The following RADIL variants were observed in gnomAD, a reference collection of about 807,000 sequenced individuals.
The protein encoded by RADIL is Rap associating with DIL domain.
In RADIL, 99 loss-of-function variants were observed where a neutral mutation model predicts 97.6. That is an observed-to-expected ratio of 1.01 (90% CI 0.86 to 1.20). The LOEUF (loss-of-function observed/expected upper bound fraction) is 1.20. RADIL is among the 50% of genes most tolerant of loss of function. The pLI, the probability that RADIL is intolerant of heterozygous loss-of-function variation, is 0.00. For synonymous variants in RADIL, 803 were observed against 691.8 expected (o/e 1.16, Z -2.52); for missense variants, 1,765 against 1,498.9 (o/e 1.18, Z -2.93).
chr7:4,804,293 T>A (rs939776500), intron 10 of RADIL, among the ~76,000 whole-genome samples: 1 of 152,106 alleles, frequency 6.6e-6, no homozygotes, highest in African/African-American at 2.4e-5. Flanking sequence ...CAGAAATGAA[T>A]CAATGCGGAG....
intron 5 of RADIL, among the ~76,000 whole-genome samples, chr7:4,829,837 G>C (rs1399924113): frequency 6.7e-6 from 1 of 150,298 alleles, no homozygotes; most frequent in South Asian, 2.2e-4. Flanking sequence ...GGCCTCCCCA[G>C]TCACGTGGAA....
chr7:4,801,895 C>T lies in RADIL; in HGVS notation c.2600G>A (p.Arg867His), dbSNP rs199920495. Residue 867 changes from arginine to histidine, a missense_variant, in exon 12 of 15, where the codon CGT becomes CAT. Coordinates refer to ENST00000399583, the MANE Select transcript of RADIL (RefSeq NM_018059.5). ...GPAAREVAPE[R>H]TLPLRGAPWA... ...GGGAGCCCCCCTCAAGGGAAGAGTACGCTCCGGGGCCACTTCCCGGGCTGC... is the reference window on the plus strand; with the variant it reads ...GGGAGCCCCCCTCAAGGGAAGAGTATGCTCCGGGGCCACTTCCCGGGCTGC... The T allele has an allele frequency of 1.3e-4, 200 of 1,576,446 alleles. No homozygotes were observed. Among genetic ancestry groups the T allele is most frequent in the Admixed American group, 4.1e-4 (22 of 53,744 alleles).
In RADIL at chr7:4,873,516, G is replaced by A. The variant is rs989558977; in HGVS notation, c.535+4089C>T. On this transcript the variant is annotated intron_variant, in intron 2 of 14. Transcript: ENST00000399583. This position sits in a 1 kb window ranked among gnomAD's most constrained non-coding sequence, Gnocchi z 4.3. ...CCCCACGCTGGGTCCTCTTGGGAGA[G>A]AATGCAGGAGCTGAAGGGGCCCTGG... Among the ~76,000 whole-genome samples, 2 of 152,214 alleles carry A rather than the reference G, an allele frequency of 1.3e-5. No individual in the cohort carries two copies. The highest frequency in any genetic ancestry group is 4.8e-5 in the African/African-American group (2 of 41,454).
Position 4,817,403 on chromosome 7 carries a change from C to CGCA in RADIL, c.1616-55_1616-53dup. 1 of 1,508,736 alleles carries CGCA rather than the reference C, an allele frequency of 6.6e-7. No homozygotes were observed. The highest frequency in any genetic ancestry group is 9.0e-7 in the Non-Finnish European group (1 of 1,105,536). 93.5% of individuals were successfully genotyped at this position (1,508,736 alleles called of 1,614,324 possible). On this transcript the variant is annotated intron_variant, in intron 6 of 14. Transcript: ENST00000399583. This position sits in a 1 kb window ranked among gnomAD's most constrained non-coding sequence, Gnocchi z 8.3. ...TCACAACGGGCACAGCGCTCAGGAACGCAGCAACTCAGCCAGCCGCCAGCT... is the reference window on the plus strand; with the variant it reads ...TCACAACGGGCACAGCGCTCAGGAACGCAGCAGCAACTCAGCCAGCCGCCAGCT...
chr7:4,882,337 G>T (rs1271683944), intron 1 of RADIL: 1 of 152,282 alleles, frequency 6.6e-6, no homozygotes, highest in Non-Finnish European at 1.5e-5. Context: ...CTGTTTTTCT[G>T]GAAGTGCGAC....
At chr7:4,863,079 A>G (rs1034777230) in intron 2 of RADIL, among the ~76,000 whole-genome samples, 1 of 151,678 alleles carries the variant, frequency 6.6e-6, no homozygotes, top group African/African-American at 2.4e-5. Flanking sequence ...CACGTTGTCA[A>G]CCTTCTCACT....
Position 4,868,084 on chromosome 7 carries a change from A to G in RADIL, c.535+9521T>C, listed in dbSNP as rs574514655. Among the ~76,000 whole-genome samples, 14 of 151,542 alleles carry G rather than the reference A, an allele frequency of 9.2e-5. No homozygotes were observed. In the East Asian group the frequency reaches 2.7e-3, roughly 29 times the overall value. On this transcript the variant is annotated intron_variant, in intron 2 of 14. Transcript: ENST00000399583. ...ATGAACTGTGTTTTTTTTTTCTGAG[A>G]TGGAGTCTCACTGTGTCGCCCAGGC...
intron 2 of RADIL, among the ~76,000 whole-genome samples, chr7:4,847,548 T>C (rs1290225527): frequency 6.6e-6 from 1 of 151,978 alleles, no homozygotes; most frequent in Non-Finnish European, 1.5e-5. Flanking sequence ...TGCACAAATG[T>C]TCACAGCAGC....
chr7:4,883,356 C>G lies in RADIL; in HGVS notation c.-65+240G>C, dbSNP rs530950241. ...ACCCCCGGATCCCCGCAGGCTGGGC[C>G]GCCCTTGCCCGCGCTAGCCGGCCTC... On this transcript the variant is annotated intron_variant, in intron 1 of 14. Transcript: ENST00000399583. This position sits in a 1 kb window ranked among gnomAD's most constrained non-coding sequence, Gnocchi z 7.1. 0.013 allele frequency among the ~76,000 whole-genome samples: 1,990 copies of G among 152,204 alleles called. 40 individuals carry two copies. Among genetic ancestry groups the G allele is most frequent in the African/African-American group, 0.046 (1,898 of 41,536 alleles).
At chr7:4,869,982 TAAAG>T (rs1296051049) in intron 2 of RADIL, among the ~76,000 whole-genome samples, 2 of 151,936 alleles carry the variant, frequency 1.3e-5, no homozygotes, top group East Asian at 1.9e-4. Flanking sequence ...AAAAATAAAA[TAAAG>T]AAATAAGTCG....
chr7:4,860,509 A>C, intron 2 of RADIL: 1 of 1,614,160 alleles, frequency 6.2e-7, no homozygotes, highest in African/African-American at 1.3e-5. Context: ...ACATTGTACG[A>C]AATTCTTCCA....
intron 2 of RADIL, among the ~76,000 whole-genome samples, chr7:4,862,791 G>C (rs1402293025): frequency 6.6e-6 from 1 of 152,106 alleles, no homozygotes; most frequent in African/African-American, 2.4e-5. Context: ...CAGCTACTCG[G>C]GAGGCTGAGG....
rs1032745683 is a variant in RADIL at position 4,819,596 on chromosome 7, G to A, written c.1616-2245C>T. ...TGAGGCGCACACGATGGTGTGAGGC[G>A]GCGCGGGAGGGGCCTGGGTCAGAGC... is the stretch of plus-strand genomic sequence containing the variant. On this transcript the variant is annotated intron_variant, in intron 6 of 14. Transcript: ENST00000399583. This position sits in a 1 kb window ranked among gnomAD's most constrained non-coding sequence, Gnocchi z 5.8. Among the ~76,000 whole-genome samples, 29 of 152,198 alleles carry A rather than the reference G, an allele frequency of 1.9e-4. No individual in the cohort carries two copies. The highest frequency in any genetic ancestry group is 1.2e-4 in the Non-Finnish European group (8 of 68,042).
At position 4,818,287 on chromosome 7, in the gene RADIL, GCC is replaced by G. The variant is rs1782732792; in HGVS notation, c.1616-938_1616-937del. On this transcript the variant is annotated intron_variant, in intron 6 of 14. Transcript: ENST00000399583. This position sits in a 1 kb window ranked among gnomAD's most constrained non-coding sequence, Gnocchi z 7.1. ...CAGCGCGGGCCTCCCAGGAGCACAG[GCC>G]CCCAGCTGCCCCTCTGCCGGGCAGA... Among the ~76,000 whole-genome samples, 2 of 152,184 alleles carry G rather than the reference GCC, an allele frequency of 1.3e-5. No individual in the cohort carries two copies. The highest frequency in any genetic ancestry group is 6.5e-5 in the Admixed American group (1 of 15,284).
In RADIL at chr7:4,872,020, C is replaced by T. The variant is rs1389585635; in HGVS notation, c.535+5585G>A. Among the ~76,000 whole-genome samples the T allele has an allele frequency of 6.6e-6, 1 of 152,214 alleles. No individual in the cohort carries two copies. Among genetic ancestry groups the T allele is most frequent in the Non-Finnish European group, 1.5e-5 (1 of 68,040 alleles). Reference sequence around the variant, plus strand: ...ATGCCAAGACTCTGCACGTCACCATCCCTGAGACCCTGGGTTTGCCAGGCA... The same window carrying T: ...ATGCCAAGACTCTGCACGTCACCATTCCTGAGACCCTGGGTTTGCCAGGCA... On this transcript the variant is annotated intron_variant, in intron 2 of 14. Coordinates refer to ENST00000399583, the MANE Select transcript of RADIL (RefSeq NM_018059.5). This position sits in a 1 kb window ranked among gnomAD's most constrained non-coding sequence, Gnocchi z 5.8.
At chr7:4,833,499 A>C (rs936020957) in intron 4 of RADIL, among the ~76,000 whole-genome samples, 5 of 152,190 alleles carry the variant, frequency 3.3e-5, no homozygotes, top group African/African-American at 1.2e-4. Context: ...CGAGGGGAAG[A>C]GGCACGGACA....
chr7:4,846,796 C>A (rs545901449), intron 2 of RADIL, among the ~76,000 whole-genome samples: 1 of 152,108 alleles, frequency 6.6e-6, no homozygotes, highest in African/African-American at 2.4e-5. Flanking sequence ...ATCCACCCAC[C>A]TCAGCCTCCC....
rs767051755 is a variant in RADIL, at chr7:4,878,047, C to T, written c.93G>A (p.Thr31=). The T allele has an allele frequency of 8.1e-6, 13 of 1,605,316 alleles. No homozygotes were observed. The highest frequency in any genetic ancestry group is 4.5e-5 in the South Asian group (4 of 89,718). Reference sequence around the variant, plus strand: ...CCAGGTCCCGGTACTTGTAGCTCAGCGTCCGGGACAGCATGCTGGACAACA... The same window carrying T: ...CCAGGTCCCGGTACTTGTAGCTCAGTGTCCGGGACAGCATGCTGGACAACA... The part of the protein sequence containing the change: ...SQLLSSMLSR[T]LSYKYRDLDS... Residue 31 remains threonine (T), a synonymous_variant, in exon 2 of 15, where the codon ACG becomes ACA. Transcript: ENST00000399583. The surrounding 1 kb of genome is among the most constrained non-coding windows in gnomAD (Gnocchi z 4.1).
intron 2 of RADIL, among the ~76,000 whole-genome samples, 189 bp from the exon 3 acceptor site, chr7:4,836,794 T>C (rs1783313143): frequency 6.6e-6 from 1 of 151,960 alleles, no homozygotes; most frequent in Non-Finnish European, 1.5e-5. Context: ...AAAAATGAGT[T>C]GGGCGTGGTG....
Sources: allele counts gnomAD v4.1 joint callset (sites outside exome capture counted in the v4.1 genomes callset), GRCh38; gene constraint gnomAD v4.1.1; non-coding constraint Gnocchi (gnomAD v3.1); transcripts MANE v1.5; gene names NCBI Gene and HGNC (gene_info 2026-07-23, HGNC 2026-07-21).